SLC2A13: variants seen among roughly 807,000 people sequenced by gnomAD.
SLC2A13 encodes proton myo-inositol cotransporter.
Under a neutral mutation model 64.4 loss-of-function variants are expected in SLC2A13, and 32 were observed. That is an observed-to-expected ratio of 0.50 (90% CI 0.37 to 0.67). SLC2A13 has a LOEUF of 0.67. Ranked by LOEUF, SLC2A13 falls within the 30% of genes least tolerant of loss-of-function variation. The pLI is 0.00. For synonymous variants in SLC2A13, 338 were observed against 327.1 expected, an observed-to-expected ratio of 1.03 and a Z score of -0.36; for missense variants, 743 against 829.2, an observed-to-expected ratio of 0.90 and a Z score of 1.28.
chr12:40,088,209 T>C (rs1398473489), intron 1 of SLC2A13, among the ~76,000 whole-genome samples: 2 of 152,156 alleles, frequency 1.3e-5, no homozygotes, highest in African/African-American at 4.8e-5. Flanking sequence ...TACAAAAGTA[T>C]AGACAGTTCT....
At chr12:40,074,070 T>C (rs1938069783) in intron 1 of SLC2A13, among the ~76,000 whole-genome samples, 1 of 152,166 alleles carries the variant, frequency 6.6e-6, no homozygotes, top group African/African-American at 2.4e-5. Flanking sequence ...ATTTTTTCAC[T>C]TTGCTTTTCA....
chr12:40,000,989 A>C (rs1170577754), intron 3 of SLC2A13, among the ~76,000 whole-genome samples: 1 of 152,218 alleles, frequency 6.6e-6, no homozygotes, highest in Non-Finnish European at 1.5e-5. Flanking sequence ...AATGTCCAAA[A>C]GCTCCAGGTC....
chr12:39,956,398 T>G (rs1172816719), intron 3 of SLC2A13, among the ~76,000 whole-genome samples: 1 of 152,184 alleles, frequency 6.6e-6, no homozygotes, highest in Non-Finnish European at 1.5e-5. Flanking sequence ...TGTTCACATA[T>G]GCCAGCGTCT....
chr12:39,911,990 C>G (rs1285384077), intron 4 of SLC2A13, among the ~76,000 whole-genome samples: 1 of 152,018 alleles, frequency 6.6e-6, no homozygotes, highest in South Asian at 2.1e-4. Flanking sequence ...ACTTACCACA[C>G]AGCAGTCTCT....
chr12:39,880,974 A>T (rs1334261594), intron 4 of SLC2A13, among the ~76,000 whole-genome samples: 1 of 152,238 alleles, frequency 6.6e-6, no homozygotes, highest in Admixed American at 6.5e-5. Flanking sequence ...ATAGGCTCAC[A>T]TTTCCCATTT....
At chr12:39,924,606 A>G (rs1167133908) in intron 4 of SLC2A13, among the ~76,000 whole-genome samples, 1 of 152,060 alleles carries the variant, frequency 6.6e-6, no homozygotes, top group Non-Finnish European at 1.5e-5. Context: ...TAATTCTGCA[A>G]TTATTAGGAT....
chr12:40,019,057 T>A (rs996847445), intron 3 of SLC2A13, among the ~76,000 whole-genome samples: 2 of 152,092 alleles, frequency 1.3e-5, no homozygotes, highest in Non-Finnish European at 2.9e-5. Flanking sequence ...TTGGAGGCCA[T>A]GGGGAAAGGA....
intron 1 of SLC2A13, among the ~76,000 whole-genome samples, chr12:40,071,168 G>A (rs1937941345): frequency 6.6e-6 from 1 of 152,148 alleles, no homozygotes; most frequent in South Asian, 2.1e-4. Context: ...CTGTCTCACT[G>A]ATCTACGCGT....
intron 3 of SLC2A13, among the ~76,000 whole-genome samples, chr12:40,016,320 T>C (rs1286225397): frequency 3.9e-5 from 6 of 152,170 alleles, no homozygotes; most frequent in Non-Finnish European, 8.8e-5. Context: ...TCTTGTGAAA[T>C]GAACAGAAAC....
Position 39,896,564 on chromosome 12 carries a change from A to G in SLC2A13, c.1035-24603T>C, listed in dbSNP as rs570503182. Reference sequence around the variant, plus strand: ...TGTATGTGTGTATACATGTATACATATATGTATGTATGTGTGTATATATGT... The same window carrying G: ...TGTATGTGTGTATACATGTATACATGTATGTATGTATGTGTGTATATATGT... On this transcript the variant is annotated intron_variant, in intron 4 of 9. Transcript: ENST00000280871. 7.4e-3 allele frequency among the ~76,000 whole-genome samples: 815 copies of G among 110,826 alleles called. 17 individuals carry two copies. Among genetic ancestry groups the G allele is most frequent in the African/African-American group, 0.021 (669 of 31,418 alleles). 72.7% of individuals were successfully genotyped at this position (110,826 alleles called of 152,430 possible).
intron 3 of SLC2A13, among the ~76,000 whole-genome samples, chr12:39,956,546 G>A (rs944353540): frequency 2.6e-5 from 4 of 152,124 alleles, no homozygotes; most frequent in Non-Finnish European, 5.9e-5. Flanking sequence ...GGCTGACATG[G>A]TGAACTGGAT....
At chr12:39,762,935 C>G (rs1471177973) in intron 9 of SLC2A13, among the ~76,000 whole-genome samples, 3 of 151,814 alleles carry the variant, frequency 2.0e-5, no homozygotes, top group Non-Finnish European at 4.4e-5. Context: ...CTCTGGTTTT[C>G]TGGCAGGATA....
intron 3 of SLC2A13, among the ~76,000 whole-genome samples, chr12:40,016,312 T>C (rs1057364292): frequency 1.3e-5 from 2 of 152,212 alleles, no homozygotes; most frequent in African/African-American, 4.8e-5. Flanking sequence ...TCAGTAATTC[T>C]TGTGAAATGA....
rs1940247041 is a variant in SLC2A13, at chr12:39,763,686, T to C, written c.1720+774A>G. Among the ~76,000 whole-genome samples, 3 of 152,262 alleles carry C rather than the reference T, an allele frequency of 2.0e-5. No homozygotes were observed. In the South Asian group the frequency reaches 6.2e-4, roughly 32 times the overall value. ...GTCTAAGCAGCAGGCATTCCGTCTC[T>C]ACCACATGGACTTATGAGGATATTA... is the stretch of plus-strand genomic sequence containing the variant. On this transcript the variant is annotated intron_variant, in intron 9 of 9. Transcript: ENST00000280871.
chr12:40,009,416 A>G (rs947184107), intron 3 of SLC2A13, among the ~76,000 whole-genome samples: 4 of 152,140 alleles, frequency 2.6e-5, no homozygotes, highest in Admixed American at 6.6e-5. Flanking sequence ...TAGAACATTA[A>G]GGTTTTTTTG....
chr12:39,901,340 T>C (rs1945100540), intron 4 of SLC2A13, among the ~76,000 whole-genome samples: 1 of 151,388 alleles, frequency 6.6e-6, no homozygotes, highest in South Asian at 2.1e-4. Flanking sequence ...AATTGACAAA[T>C]GGGATCTAAT....
At chr12:39,807,253 T>A (rs1262315683) in intron 7 of SLC2A13, among the ~76,000 whole-genome samples, 1 of 152,092 alleles carries the variant, frequency 6.6e-6, no homozygotes, top group Non-Finnish European at 1.5e-5. Context: ...CCACTAGGGA[T>A]CCCTGTGGTA....
chr12:40,003,869 G>A (rs866124607), intron 3 of SLC2A13, among the ~76,000 whole-genome samples: 10 of 151,572 alleles, frequency 6.6e-5, no homozygotes, highest in Non-Finnish European at 1.3e-4. Flanking sequence ...GACGGGCGCC[G>A]GTAATCTCAG....
At chr12:40,023,750 C>G (rs1345986982) in intron 3 of SLC2A13, among the ~76,000 whole-genome samples, 1 of 152,056 alleles carries the variant, frequency 6.6e-6, no homozygotes, top group African/African-American at 2.4e-5. Context: ...ATGAATTTGC[C>G]CAGGAGAGAA....
Sources: allele counts gnomAD v4.1 joint callset (sites outside exome capture counted in the v4.1 genomes callset), GRCh38; gene constraint gnomAD v4.1.1; transcripts MANE v1.5; gene names NCBI Gene and HGNC (gene_info 2026-07-23, HGNC 2026-07-21).